The following RAB3IP variants were observed in gnomAD, a reference collection of about 807,000 sequenced individuals.
RAB3IP encodes the protein rab-3A-interacting protein.
RAB3IP carries 36 observed loss-of-function variants against 59.1 expected under a neutral mutation model. The observed-to-expected ratio is 0.61, with a 90% confidence interval of 0.47 to 0.80. RAB3IP has a LOEUF of 0.80. Ranked by LOEUF, RAB3IP falls within the 30% of genes least tolerant of loss-of-function variation. The pLI, the probability that RAB3IP is intolerant of heterozygous loss-of-function variation, is 0.00. For synonymous variants in RAB3IP, 207 were observed against 191.2 expected (o/e 1.08, Z -0.68); for missense variants, 511 against 536.0 (o/e 0.95, Z 0.46).
chr12:69,748,681 A>G (rs1868739781), intron 1 of RAB3IP, among the ~76,000 whole-genome samples: 1 of 152,226 alleles, frequency 6.6e-6, no homozygotes, highest in African/African-American at 2.4e-5. Context: ...CATATTGGTC[A>G]TGATCCTTGA....
At chr12:69,798,290 T>C (rs1480384289) in intron 6 of RAB3IP, among the ~76,000 whole-genome samples, 5 of 152,172 alleles carry the variant, frequency 3.3e-5, no homozygotes, top group East Asian at 1.9e-4. Context: ...GTGAGCATTT[T>C]TTCATGTGTT....
At chr12:69,752,400 C>A (rs967932688) in intron 1 of RAB3IP, among the ~76,000 whole-genome samples, 9 of 151,098 alleles carry the variant, frequency 6.0e-5, no homozygotes, top group African/African-American at 2.2e-4. Context: ...TGTTTTTTAT[C>A]TTACTGGTAT....
At chr12:69,795,390 A>G (rs1440322711) in intron 6 of RAB3IP, 46 bp downstream of exon 6, 1 of 1,475,922 alleles carries the variant, frequency 6.8e-7, no homozygotes, top group Admixed American at 1.7e-5. Flanking sequence ...GATACTTGTT[A>G]GTTCTCATCA....
At position 69,784,700 on chromosome 12, in the gene RAB3IP, A is replaced by C. The variant is rs376915741; in HGVS notation, c.511-20A>C. 1 of 1,488,978 alleles carries C rather than the reference A, an allele frequency of 6.7e-7. No individual in the cohort carries two copies. The highest frequency in any genetic ancestry group is 9.3e-7 in the Non-Finnish European group (1 of 1,075,260). 92.2% of individuals were successfully genotyped at this position (1,488,978 alleles called of 1,614,324 possible). ...CTTCAAACTATGGAGATCCAAAATAAAATTATCAATTTCTCTTAGGAACTG... is the reference window on the plus strand; with the variant it reads ...CTTCAAACTATGGAGATCCAAAATACAATTATCAATTTCTCTTAGGAACTG... On this transcript the variant is annotated intron_variant, in intron 3 of 10. Coordinates refer to ENST00000247833, the MANE Select transcript of RAB3IP (RefSeq NM_022456.5).
chr12:69,760,275 C>T (rs959104735), intron 3 of RAB3IP, among the ~76,000 whole-genome samples: 14 of 152,234 alleles, frequency 9.2e-5, no homozygotes, highest in African/African-American at 3.1e-4. Context: ...AGGCACTCGG[C>T]AGGCTGAGGC....
rs1163152170 is a variant in RAB3IP, at chr12:69,821,392, TGA to T, written c.*5950_*5951del. ...AATACGCATCATATTTGTTATTCAC[TGA>T]GAGGGAGGAATTTCCACTTAAATCC... On this transcript the variant is annotated 3_prime_UTR_variant, in exon 11 of 11. Coordinates refer to ENST00000247833, the MANE Select transcript of RAB3IP (RefSeq NM_022456.5). 2 of 152,204 alleles carry T rather than the reference TGA, an allele frequency of 1.3e-5. No homozygotes were observed. The highest frequency in any genetic ancestry group is 6.5e-5 in the Admixed American group (1 of 15,278). The allele number at this position is 152,204 out of a possible 1,614,324, so 9.4% of individuals were successfully genotyped here.
chr12:69,754,049 T>A (rs116403860), intron 1 of RAB3IP, among the ~76,000 whole-genome samples: 163 of 152,302 alleles, frequency 1.1e-3, no homozygotes, highest in African/African-American at 3.8e-3. Flanking sequence ...ATACTTTACA[T>A]GGATTGTCTC....
At chr12:69,773,265 C>T (rs1416233023) in intron 3 of RAB3IP, among the ~76,000 whole-genome samples, 3 of 151,918 alleles carry the variant, frequency 2.0e-5, no homozygotes, top group African/African-American at 7.3e-5. Context: ...TATAATATGC[C>T]TTGGGGTAGT....
At chr12:69,747,580 C>A (rs950202897) in intron 1 of RAB3IP, among the ~76,000 whole-genome samples, 2 of 152,192 alleles carry the variant, frequency 1.3e-5, no homozygotes, top group Non-Finnish European at 2.9e-5. Context: ...TCTGAGATTA[C>A]AAGAACCACT....
At chr12:69,765,658 C>T (rs1156661252) in intron 3 of RAB3IP, among the ~76,000 whole-genome samples, 1 of 152,202 alleles carries the variant, frequency 6.6e-6, no homozygotes, top group Non-Finnish European at 1.5e-5. Flanking sequence ...ATATCAAAGC[C>T]TCTGCACAGG....
At chr12:69,766,021 A>G (rs11177837) in intron 3 of RAB3IP, among the ~76,000 whole-genome samples, 23 of 152,206 alleles carry the variant, frequency 1.5e-4, no homozygotes, top group African/African-American at 5.1e-4. Flanking sequence ...AAAGCCTGGT[A>G]TGGCTCCATT....
At chr12:69,800,651 C>T (rs1310143964) in intron 7 of RAB3IP, among the ~76,000 whole-genome samples, 1 of 152,076 alleles carries the variant, frequency 6.6e-6, no homozygotes. Context: ...GGGAAGTTCT[C>T]TACACACTCT....
In RAB3IP at chr12:69,812,924, G is replaced by A. The variant is rs373397306; in HGVS notation, c.1231-40G>A. 280 of 1,604,742 alleles carry A rather than the reference G, an allele frequency of 1.7e-4. No homozygotes were observed. The African/African-American group carries it at 3.4e-3, about 19-fold the overall frequency. ...TTTAATAAAGCTTGCTTTGATATGG[G>A]ACATTTGACCATTCATGACATTTTC... On this transcript the variant is annotated intron_variant, in intron 9 of 10. Coordinates refer to ENST00000247833, the MANE Select transcript of RAB3IP (RefSeq NM_022456.5).
chr12:69,797,752 C>CT (rs1171465075), intron 6 of RAB3IP, among the ~76,000 whole-genome samples: 3 of 151,566 alleles, frequency 2.0e-5, no homozygotes, highest in Admixed American at 2.0e-4. Context: ...CAATTCCCAC[C>CT]TATGAGTGAG....
intron 1 of RAB3IP, among the ~76,000 whole-genome samples, chr12:69,754,592 A>G (rs144574211): frequency 0.014 from 2,135 of 152,334 alleles, 24 homozygotes; most frequent in Middle Eastern, 0.031. Flanking sequence ...GTAGTTCCTG[A>G]CGATATATTG....
At chr12:69,742,992 G>T (rs759138787) in intron 1 of RAB3IP, among the ~76,000 whole-genome samples, 1 of 152,220 alleles carries the variant, frequency 6.6e-6, no homozygotes, top group Admixed American at 6.5e-5. Context: ...TGAAAGATTT[G>T]ATGCTTGTCG....
At chr12:69,738,261 T>A (rs182100147), upstream of RAB3IP, 13 of 152,274 alleles carry the variant, frequency 8.5e-5, no homozygotes, top group Admixed American at 7.8e-4. Context: ...TCTTGGCTCT[T>A]TCTGTATTTT....
intron 8 of RAB3IP, among the ~76,000 whole-genome samples, chr12:69,810,798 A>C (rs1458575018): frequency 6.6e-6 from 1 of 152,220 alleles, no homozygotes; most frequent in Non-Finnish European, 1.5e-5. Flanking sequence ...GAAGAGGATT[A>C]CGGTCTAGAT....
chr12:69,743,303 A>G (rs71454242), intron 1 of RAB3IP, among the ~76,000 whole-genome samples: 7 of 152,238 alleles, frequency 4.6e-5, no homozygotes, highest in Non-Finnish European at 1.0e-4. Context: ...GTTTGAAAAA[A>G]CAATAAGCAA....
Sources: gnomAD v4.1 joint callset for allele counts (sites outside exome capture counted in the v4.1 genomes callset) on GRCh38, gnomAD v4.1.1 for gene constraint, MANE v1.5 for transcripts, NCBI Gene and HGNC (gene_info 2026-07-23, HGNC 2026-07-21) for gene names.